SCAF1: variants seen among roughly 807,000 people sequenced by gnomAD.
SCAF1 encodes splicing factor, arginine/serine-rich 19.
In SCAF1, 28 loss-of-function variants were observed where a neutral mutation model predicts 91.2. The observed-to-expected ratio is 0.31, with a 90% CI of 0.23 to 0.42. The LOEUF (loss-of-function observed/expected upper bound fraction) is 0.42. SCAF1 is among the 10% of genes least tolerant of loss of function. The pLI is 1.00. For missense variants in SCAF1, 1,893 were observed against 1,872.1 expected (o/e 1.01, Z -0.21); for synonymous variants, 1,036 against 833.7 (o/e 1.24, Z -4.18).
At chr19:49,650,226 T>C (rs1408191818) in intron 6 of SCAF1, among the ~76,000 whole-genome samples, 3 of 152,276 alleles carry the variant, frequency 2.0e-5, no homozygotes, top group African/African-American at 4.8e-5. Flanking sequence ...GTGAAGAGCT[T>C]GGGGTGAAGA....
In SCAF1 at chr19:49,652,019, C is replaced by T. The variant is rs2081096274; in HGVS notation, c.1630C>T (p.Pro544Ser). 8.2e-7 allele frequency: 1 copy of T among 1,212,700 alleles called. No homozygotes were observed. 75.1% of individuals were successfully genotyped at this position (1,212,700 alleles called of 1,614,324 possible). ...SSSSGTQPAPPAPASPWDSKK... is the reference protein window; with the variant it reads ...SSSSGTQPAPSAPASPWDSKK... ...CTCGTCGGGCACCCAGCCAGCGCCGCCCGCCCCGGCCTCGCCCTGGGACTC... is the reference window on the plus strand; with the variant it reads ...CTCGTCGGGCACCCAGCCAGCGCCGTCCGCCCCGGCCTCGCCCTGGGACTC... Residue 544 changes from proline to serine, a missense_variant, in exon 7 of 11, where the codon CCC becomes TCC. Physicochemically the swap from Pro to Ser is moderately conservative, Grantham distance 74. Transcript: ENST00000360565.
chr19:49,647,871 G>T (rs942418001), intron 6 of SCAF1, among the ~76,000 whole-genome samples: 2 of 152,124 alleles, frequency 1.3e-5, no homozygotes, highest in African/African-American at 4.8e-5. Context: ...GACCTCAAGT[G>T]ATCCGCCCGC....
Position 49,646,795 on chromosome 19 carries a change from T to G in SCAF1, c.443T>G (p.Leu148Arg). 6.2e-7 allele frequency: 1 copy of G among 1,613,528 alleles called. No homozygotes were observed. The highest frequency in any genetic ancestry group is 8.5e-7 in the Non-Finnish European group (1 of 1,179,940). The change falls in exon 6 of 11, where the codon CTG (leucine) becomes CGG (arginine). Residue 148 changes from leucine to arginine, a missense_variant. Transcript: ENST00000360565. This position sits in a 1 kb window ranked among gnomAD's most constrained non-coding sequence, Gnocchi z 5.6. ...ATCCCTCTGCCTGTGCCCAGCCTGC[T>G]GCCCCGTCTCAGGGCCTGGAGGACG... ...DPIPLPVPSL[L>R]PRLRAWRTGK...
chr19:49,646,246 G>C lies in SCAF1; in HGVS notation c.261+44G>C, dbSNP rs2081054500. ...CTGGGGGCCTGGCTCACGGGTATCA[G>C]GGAGGAAGGGATGGGGGCCTGAGTC... is the stretch of plus-strand genomic sequence containing the variant. On this transcript the variant is annotated intron_variant, in intron 4 of 10. Transcript: ENST00000360565. This position sits in a 1 kb window ranked among gnomAD's most constrained non-coding sequence, Gnocchi z 5.6. The C allele has an allele frequency of 6.6e-7, 1 of 1,507,186 alleles. No individual in the cohort carries two copies. The allele number at this position is 1,507,186 out of a possible 1,614,324, so 93.4% of individuals were successfully genotyped here.
At position 49,653,030 on chromosome 19, in the gene SCAF1, G is replaced by C. The variant is rs750454336; in HGVS notation, c.2641G>C (p.Glu881Gln). The C allele has an allele frequency of 1.2e-6, 2 of 1,613,980 alleles. No homozygotes were observed. The highest frequency in any genetic ancestry group is 1.7e-5 in the Admixed American group (1 of 60,024). ...TCGCTCCCCCTTCCTCAAACCTGAC[G>C]AGCGGGCCCCCACTGAGATGGCCAA... Reference protein sequence around the residue: ...ESRSPFLKPDERAPTEMAKAA... With the variant: ...ESRSPFLKPDQRAPTEMAKAA... Residue 881 changes from glutamate (E) to glutamine (Q), a missense_variant, in exon 7 of 11, where the codon GAG (glutamate) becomes CAG (glutamine). By Grantham distance (29) the Glu-to-Gln change is conservative (BLOSUM62 2). Transcript: ENST00000360565.
Position 49,652,634 on chromosome 19 carries a change from A to G in SCAF1, c.2245A>G (p.Lys749Glu). 1 of 1,561,638 alleles carries G rather than the reference A, an allele frequency of 6.4e-7. No individual in the cohort carries two copies. Among genetic ancestry groups the G allele is most frequent in the Non-Finnish European group, 8.7e-7 (1 of 1,153,090 alleles). Residue 749 changes from lysine to glutamate, a missense_variant, in exon 7 of 11, where the codon AAG (lysine) becomes GAG (glutamate). Coordinates refer to ENST00000360565, the MANE Select transcript of SCAF1 (RefSeq NM_021228.3). The part of the protein sequence containing the change: ...GEERGGKSSQ[K>E]DRRRSGAASS... The stretch of plus-strand genomic sequence containing the variant: ...GGAGCGGGGCGGCAAGAGCAGCCAG[A>G]AGGATCGGCGCCGCTCGGGGGCCGC...
In SCAF1 at chr19:49,652,722, G is replaced by A. The variant is rs780683585; in HGVS notation, c.2333G>A (p.Arg778Gln). Residue 778 changes from arginine (R) to glutamine (Q), a missense_variant, in exon 7 of 11, where the codon CGG becomes CAG. By Grantham distance (43) the Arg-to-Gln change is conservative (BLOSUM62 1). This residue lies in a region of SCAF1 where 1,436 missense variants were observed against 1,306.8 expected (regional missense o/e 1.10). Transcript: ENST00000360565. ...SRRKALDGGD[R>Q]DRDRDRDRDR... ...CGGAAGGCGCTGGACGGGGGTGACC[G>A]GGATCGGGACAGGGACAGAGATAGG... 6.3e-7 allele frequency: 1 copy of A among 1,596,286 alleles called. No individual in the cohort carries two copies. The highest frequency in any genetic ancestry group is 1.1e-5 in the South Asian group (1 of 89,004).
intron 6 of SCAF1, among the ~76,000 whole-genome samples, chr19:49,647,942 G>T (rs2081064667): frequency 6.7e-6 from 1 of 149,806 alleles, no homozygotes; most frequent in South Asian, 2.1e-4. Context: ...TACCTTGTTT[G>T]TTTTTTTTGA....
At chr19:49,649,628 T>C (rs2081074446) in intron 6 of SCAF1, among the ~76,000 whole-genome samples, 2 of 152,298 alleles carry the variant, frequency 1.3e-5, no homozygotes, top group South Asian at 4.1e-4. Context: ...CCCGAGTAGT[T>C]GGGATTACAG....
rs1481449133 is a variant in SCAF1 at position 49,651,041 on chromosome 19, C to G, written c.652C>G (p.Pro218Ala). ...PPPPPPPPAPPAPPAPRFDIY... is the reference protein window; with the variant it reads ...PPPPPPPPAPAAPPAPRFDIY... ...CCCACCCCCACCGCCCCCTGCACCC[C>G]CAGCCCCACCTGCCCCCCGATTCGA... Residue 218 changes from proline to alanine, a missense_variant, in exon 7 of 11, where the codon CCA becomes GCA. Pro to Ala is a conservative substitution (Grantham distance 27). Around this residue, in one of 5 missense-constraint regions of SCAF1, gnomAD observed 270 missense variants for 292.5 expected, o/e 0.92. Transcript: ENST00000360565. The G allele has an allele frequency of 2.0e-5, 20 of 1,007,530 alleles. No individual in the cohort carries two copies. In the South Asian group the frequency reaches 2.4e-4, roughly 12 times the overall value. 62.4% of individuals were successfully genotyped at this position (1,007,530 alleles called of 1,614,324 possible).
Position 49,646,980 on chromosome 19 carries a change from T to C in SCAF1, c.478+150T>C. 1 of 644,384 alleles carries C rather than the reference T, an allele frequency of 1.6e-6. No individual in the cohort carries two copies. Among genetic ancestry groups the C allele is most frequent in the South Asian group, 1.9e-5 (1 of 51,484 alleles). The allele number at this position is 644,384 out of a possible 1,614,324, so 39.9% of individuals were successfully genotyped here. On this transcript the variant is annotated intron_variant, in intron 6 of 10. Coordinates refer to ENST00000360565, the MANE Select transcript of SCAF1 (RefSeq NM_021228.3). This position sits in a 1 kb window ranked among gnomAD's most constrained non-coding sequence, Gnocchi z 5.6. Reference sequence around the variant, plus strand: ...AGACGTGATTAAGGCTGTAGGCGCATACAGATGTACATAAAGTAAAAACTG... The same window carrying C: ...AGACGTGATTAAGGCTGTAGGCGCACACAGATGTACATAAAGTAAAAACTG...
At position 49,653,344 on chromosome 19, in the gene SCAF1, C is replaced by G. The variant is rs771222970; in HGVS notation, c.2955C>G (p.Pro985=). 3.2e-5 allele frequency: 48 copies of G among 1,480,916 alleles called. No individual in the cohort carries two copies. The highest frequency in any genetic ancestry group is 4.2e-5 in the Non-Finnish European group (47 of 1,113,772). 91.7% of individuals were successfully genotyped at this position (1,480,916 alleles called of 1,614,324 possible). A position where few individuals can be genotyped will look rare whatever the true frequency, so the allele number is the denominator to read the frequency against. The change falls in exon 7 of 11, where the codon CCC becomes CCG. Residue 985 remains proline (P), a synonymous_variant. Coordinates refer to ENST00000360565, the MANE Select transcript of SCAF1 (RefSeq NM_021228.3). ...CGCCCCCCAAGGCAGCCCCACCACCCCCTGCCCTCACTCCGGACTCGCAGA... is the reference window on the plus strand; with the variant it reads ...CGCCCCCCAAGGCAGCCCCACCACCGCCTGCCCTCACTCCGGACTCGCAGA... ...STPPPKAAPP[P]PALTPDSQTV... is the part of the protein sequence containing the mutation.
intron 10 of SCAF1, 82 bp from the exon 11 acceptor site, chr19:49,658,126 A>G: frequency 6.9e-7 from 1 of 1,439,588 alleles, no homozygotes; most frequent in Non-Finnish European, 9.5e-7. Flanking sequence ...CTCCTACCGC[A>G]GTTCCAAGCT....
In SCAF1 at chr19:49,658,415, C is replaced by G. The variant is rs1022062746; in HGVS notation, c.*16C>G. On this transcript the variant is annotated 3_prime_UTR_variant, in exon 11 of 11. Transcript: ENST00000360565. ...CCCTCTCTGAGAGCCCTGGCCAGCTCTTCGCCCCTCACCTCTTTGAAACTC... is the reference window on the plus strand; with the variant it reads ...CCCTCTCTGAGAGCCCTGGCCAGCTGTTCGCCCCTCACCTCTTTGAAACTC... The G allele has an allele frequency of 1.4e-6, 2 of 1,465,632 alleles. No homozygotes were observed. The highest frequency in any genetic ancestry group is 1.8e-6 in the Non-Finnish European group (2 of 1,086,630). 90.8% of individuals were successfully genotyped at this position (1,465,632 alleles called of 1,614,324 possible). A position where few individuals can be genotyped will look rare whatever the true frequency, so the allele number is the denominator to read the frequency against.
chr19:49,652,111 CCG>C lies in SCAF1; in HGVS notation c.1724_1725del (p.Arg575LeufsTer77). On this transcript the variant is annotated frameshift_variant, in exon 7 of 11. Coordinates refer to ENST00000360565, the MANE Select transcript of SCAF1 (RefSeq NM_021228.3). LOFTEE classifies it high-confidence loss of function. ...CCTCGTCGTCCGCCCGCCGCCGCTC[CCG>C]CTCCCGCTCCCGCTCCCGCTCCACC... Reference protein sequence around the residue: ...HASSSARRRSRSRSRSRSTRR... With the variant: ...HASSSARRRSXSRSRSRSTRR... The C allele has an allele frequency of 1.0e-6, 1 of 979,012 alleles. No homozygotes were observed. Among genetic ancestry groups the C allele is most frequent in the Non-Finnish European group, 1.2e-6 (1 of 841,602 alleles). The allele number at this position is 979,012 out of a possible 1,614,324, so 60.6% of individuals were successfully genotyped here.
At position 49,652,337 on chromosome 19, in the gene SCAF1, CG is replaced by C; in HGVS notation, c.1952del (p.Gly651ValfsTer87). Reference protein sequence around the residue: ...SKKKKKRSRSRGEKRSGDGSE... With the variant: ...SKKKKKRSRSXGEKRSGDGSE... ...GAAGAAGAAGAAGCGGTCGCGGTCC[CG>C]GGGTGAGAAGCGGTCTGGGGATGGC... On this transcript the variant is annotated frameshift_variant, in exon 7 of 11. Transcript: ENST00000360565. LOFTEE classifies it high-confidence loss of function. 6.5e-7 allele frequency: 1 copy of C among 1,536,856 alleles called. No homozygotes were observed.
Position 49,651,824 on chromosome 19 carries a change from G to A in SCAF1, c.1435G>A (p.Gly479Ser), listed in dbSNP as rs1319656233. ...APPAADSRWG[G>S]LDLRRKILTQ... The stretch of plus-strand genomic sequence containing the variant: ...GCCCGCCGCCGACTCGCGCTGGGGC[G>A]GCCTGGACCTGCGCCGCAAGATCCT... The change falls in exon 7 of 11, where the codon GGC becomes AGC. Residue 479 changes from glycine to serine, a missense_variant. Physicochemically the swap from Gly to Ser is moderately conservative, Grantham distance 56. This residue lies in a region of SCAF1 where 1,436 missense variants were observed against 1,306.8 expected (regional missense o/e 1.10). Coordinates refer to ENST00000360565, the MANE Select transcript of SCAF1 (RefSeq NM_021228.3). The A allele has an allele frequency of 1.8e-5, 22 of 1,249,738 alleles. No homozygotes were observed. Among genetic ancestry groups the A allele is most frequent in the Non-Finnish European group, 2.1e-5 (21 of 997,620 alleles). 77.4% of individuals were successfully genotyped at this position (1,249,738 alleles called of 1,614,324 possible). A position where few individuals can be genotyped will look rare whatever the true frequency, so the allele number is the denominator to read the frequency against.
intron 9 of SCAF1, 100 bp from the exon 10 acceptor site, chr19:49,657,661 C>T (rs897221332): frequency 7.1e-7 from 1 of 1,417,250 alleles, no homozygotes; most frequent in Admixed American, 2.1e-5. Context: ...GCTGGACGGC[C>T]AGAGAGGTTA....
Position 49,651,162 on chromosome 19 carries a change from C to G in SCAF1, c.773C>G (p.Pro258Arg). 3.7e-6 allele frequency: 6 copies of G among 1,613,228 alleles called. No homozygotes were observed. Among genetic ancestry groups the G allele is most frequent in the Non-Finnish European group, 5.1e-6 (6 of 1,179,828 alleles). The part of the protein sequence containing the change: ...YDPFEPTGSN[P>R]SSSAGTPSPE... The stretch of plus-strand genomic sequence containing the variant: ...CCTTTTGAGCCCACCGGCTCCAACC[C>G]CAGCTCATCAGCGGGGACCCCCTCA... The change falls in exon 7 of 11, where the codon CCC (proline) becomes CGC (arginine). Residue 258 changes from proline to arginine, a missense_variant. By Grantham distance (103) the Pro-to-Arg change is moderately radical (BLOSUM62 -2). This residue lies in a region of SCAF1 where 80 missense variants were observed against 116.6 expected (regional missense o/e 0.69). Transcript: ENST00000360565.
Sources: allele counts gnomAD v4.1 joint callset (sites outside exome capture counted in the v4.1 genomes callset), GRCh38; gene constraint gnomAD v4.1.1; regional missense constraint gnomAD v4.1.1; non-coding constraint Gnocchi (gnomAD v3.1); transcripts MANE v1.5; gene names NCBI Gene and HGNC (gene_info 2026-07-23, HGNC 2026-07-21).